RAB33B: variants seen among roughly 807,000 people sequenced by gnomAD.
The protein encoded by RAB33B is ras-related protein Rab-33B.
A neutral mutation model predicts 15.0 loss-of-function variants in RAB33B; 6 were observed. The observed-to-expected ratio is 0.40, with a 90% CI of 0.22 to 0.79. The LOEUF (loss-of-function observed/expected upper bound fraction) is 0.79, where lower values mean the gene tolerates loss of function less well. Ranked by LOEUF, RAB33B falls within the 30% of genes least tolerant of loss-of-function variation. The pLI, the probability that RAB33B is intolerant of heterozygous loss-of-function variation, is 0.37. For synonymous variants in RAB33B, 117 were observed against 108.3 expected, an observed-to-expected ratio of 1.08 and a Z score of -0.50; for missense variants, 257 against 296.4, an observed-to-expected ratio of 0.87 and a Z score of 0.98.
intron 1 of RAB33B, among the ~76,000 whole-genome samples, chr4:139,462,053 C>CTTT (rs1171840158): frequency 9.6e-5 from 13 of 135,434 alleles, no homozygotes; most frequent in African/African-American, 1.3e-4. Flanking sequence ...GATGACAGCT[C>CTTT]TTTTTTTTTT....
chr4:139,465,722 C>CTTTTTTTT (rs375295002), intron 1 of RAB33B, among the ~76,000 whole-genome samples: 3 of 133,220 alleles, frequency 2.3e-5, no homozygotes, highest in Admixed American at 7.5e-5. Flanking sequence ...TCTTCTTCTT[C>CTTTTTTTT]TTTTTTTTTT....
In RAB33B at chr4:139,454,172, C is replaced by T. The variant is rs1038394433; in HGVS notation, c.-24C>T. On this transcript the variant is annotated 5_prime_UTR_variant, in exon 1 of 2. Coordinates refer to ENST00000305626, the MANE Select transcript of RAB33B (RefSeq NM_031296.3). ...CCTTTCTGTGTCTCCTTTCCTCCGCCTCAGTTTGGGGCGGGTCGGGGGAAT... is the reference window on the plus strand; with the variant it reads ...CCTTTCTGTGTCTCCTTTCCTCCGCTTCAGTTTGGGGCGGGTCGGGGGAAT... The T allele has an allele frequency of 1.3e-6, 2 of 1,594,482 alleles. No homozygotes were observed. The highest frequency in any genetic ancestry group is 3.6e-4 in the Middle Eastern group (2 of 5,578).
upstream of RAB33B, among the ~76,000 whole-genome samples, chr4:139,448,242 A>C (rs983689751): frequency 6.6e-6 from 1 of 152,202 alleles, no homozygotes. Context: ...CAGGAAAAAA[A>C]CCACGACCTG....
intron 1 of RAB33B, among the ~76,000 whole-genome samples, chr4:139,455,176 C>T (rs193104603): frequency 3.3e-5 from 5 of 152,216 alleles, no homozygotes; most frequent in Admixed American, 3.3e-4. Flanking sequence ...GTAGTATAGG[C>T]CCCAGGGCAG....
chr4:139,439,319 G>T, the RAB33B span, among the ~76,000 whole-genome samples: 1 of 152,178 alleles, frequency 6.6e-6, no homozygotes, highest in Non-Finnish European at 1.5e-5. Flanking sequence ...ATTCTTGATT[G>T]ATAGACTAAA....
At chr4:139,442,470 G>A in the RAB33B span, among the ~76,000 whole-genome samples, 1 of 152,154 alleles carries the variant, frequency 6.6e-6, no homozygotes, top group African/African-American at 2.4e-5. Flanking sequence ...CTGTGAGGGT[G>A]TTGCCAAAGG....
At chr4:139,441,352 GGGA>G in the RAB33B span, among the ~76,000 whole-genome samples, 1 of 152,166 alleles carries the variant, frequency 6.6e-6, no homozygotes. Context: ...AATGAATATA[GGGA>G]GGAACAGAGA....
intron 1 of RAB33B, among the ~76,000 whole-genome samples, chr4:139,469,069 A>T (rs191578406): frequency 7.9e-5 from 12 of 152,094 alleles, no homozygotes; most frequent in Admixed American, 3.9e-4. Flanking sequence ...TTGGTGTTCT[A>T]TAACTTTCTT....
the RAB33B span, among the ~76,000 whole-genome samples, chr4:139,441,636 AGT>A: frequency 6.6e-6 from 1 of 152,254 alleles, no homozygotes; most frequent in African/African-American, 2.4e-5. Flanking sequence ...AAATATCTTA[AGT>A]CAAAAACACA....
chr4:139,452,431 A>G (rs866610871), upstream of RAB33B: 1 of 152,216 alleles, frequency 6.6e-6, no homozygotes, highest in Non-Finnish European at 1.5e-5. Flanking sequence ...CCATCCTTGA[A>G]ATTCTCCCAT....
intron 1 of RAB33B, 93 bp downstream of exon 1, chr4:139,454,537 C>G: frequency 7.2e-7 from 1 of 1,392,430 alleles, no homozygotes; most frequent in Non-Finnish European, 9.6e-7. Context: ...GGTGTGTGTG[C>G]GCTCCATTTT....
chr4:139,444,886 C>G, the RAB33B span, among the ~76,000 whole-genome samples: 8 of 152,274 alleles, frequency 5.3e-5, no homozygotes, highest in African/African-American at 1.9e-4. Context: ...ATTAGAGCTG[C>G]CTCTACCTAG....
At chr4:139,467,400 A>AAAAATT (rs1750310761) in intron 1 of RAB33B, among the ~76,000 whole-genome samples, 1 of 116,700 alleles carries the variant, frequency 8.6e-6, no homozygotes, top group African/African-American at 3.2e-5. Flanking sequence ...TTTTAATGGA[A>AAAAATT]CAACATTTTG....
At chr4:139,442,445 T>C in the RAB33B span, among the ~76,000 whole-genome samples, 1 of 152,198 alleles carries the variant, frequency 6.6e-6, no homozygotes, top group African/African-American at 2.4e-5. Flanking sequence ...TGCAAAGTAT[T>C]GATCCTGTGT....
intron 1 of RAB33B, 34 bp downstream of exon 1, chr4:139,454,478 G>A (rs770801753): frequency 1.9e-6 from 3 of 1,594,440 alleles, no homozygotes; most frequent in Non-Finnish European, 2.6e-6. Flanking sequence ...GGAGGACAGG[G>A]TGACAGGTGT....
chr4:139,471,707 G>T (rs773449443), intron 1 of RAB33B, among the ~76,000 whole-genome samples: 5 of 152,070 alleles, frequency 3.3e-5, no homozygotes, highest in Non-Finnish European at 7.4e-5. Flanking sequence ...CCAGAGTGCT[G>T]AGCTACCGCA....
intron 1 of RAB33B, among the ~76,000 whole-genome samples, chr4:139,465,722 CTT>C (rs375295002): frequency 1.4e-4 from 18 of 133,196 alleles, no homozygotes; most frequent in African/African-American, 1.5e-4. Context: ...TCTTCTTCTT[CTT>C]TTTTTTTTTT....
At chr4:139,472,614 G>A in intron 1 of RAB33B, 72 bp from the exon 2 acceptor site, 1 of 1,092,402 alleles carries the variant, frequency 9.2e-7, no homozygotes, top group East Asian at 2.4e-5. Context: ...GACAATGCAA[G>A]ATGATTACAT....
the RAB33B span, among the ~76,000 whole-genome samples, chr4:139,444,608 A>C: frequency 6.6e-6 from 1 of 152,150 alleles, no homozygotes; most frequent in Non-Finnish European, 1.5e-5. Flanking sequence ...ACTGGCTCTG[A>C]GCTGACGTTG....
Sources: allele counts gnomAD v4.1 joint callset (sites outside exome capture counted in the v4.1 genomes callset), GRCh38; gene constraint gnomAD v4.1.1; transcripts MANE v1.5; gene names NCBI Gene and HGNC (gene_info 2026-07-23, HGNC 2026-07-21).